Variants in CNOT4 observed in about 807,000 individuals in gnomAD.
CNOT4 encodes the protein CCR4-NOT transcription complex subunit 4.
Under a neutral mutation model 73.8 loss-of-function variants are expected in CNOT4, and 8 were observed. The ratio of observed to expected loss-of-function variants is 0.11; its 90% CI spans 0.06 to 0.20. The LOEUF (loss-of-function observed/expected upper bound fraction) is 0.20. Ranked by LOEUF, CNOT4 falls within the 10% of genes least tolerant of loss-of-function variation. The pLI, the probability that CNOT4 is intolerant of heterozygous loss-of-function variation, is 1.00. For synonymous variants in CNOT4, 293 were observed against 321.1 expected (o/e 0.91, Z 0.94); for missense variants, 564 against 883.4 (o/e 0.64, Z 4.58).
intron 10 of CNOT4, among the ~76,000 whole-genome samples, chr7:135,365,404 C>T (rs1794857772): frequency 1.9e-5 from 1 of 51,726 alleles, no homozygotes; most frequent in East Asian, 5.3e-4. Context: ...CTTATATTTG[C>T]ATATTATTTT....
At chr7:135,452,621 C>T (rs925677366) in intron 1 of CNOT4, among the ~76,000 whole-genome samples, 1 of 152,044 alleles carries the variant, frequency 6.6e-6, no homozygotes, top group Non-Finnish European at 1.5e-5. Flanking sequence ...GAGTAGAGGG[C>T]TAGAGGTAGT....
intron 1 of CNOT4, among the ~76,000 whole-genome samples, chr7:135,503,902 T>A (rs552388819): frequency 1.3e-5 from 2 of 152,236 alleles, no homozygotes; most frequent in South Asian, 4.1e-4. Flanking sequence ...GATGAAACTT[T>A]AAAACTTCAG....
chr7:135,389,608 T>TA (rs1796300554), intron 10 of CNOT4, among the ~76,000 whole-genome samples: 1 of 152,006 alleles, frequency 6.6e-6, no homozygotes, highest in Non-Finnish European at 1.5e-5. Flanking sequence ...AAGTCACTGT[T>TA]AAAACAGTTC....
At chr7:135,462,506 G>A (rs1039394959) in intron 1 of CNOT4, among the ~76,000 whole-genome samples, 2 of 152,194 alleles carry the variant, frequency 1.3e-5, no homozygotes, top group African/African-American at 4.8e-5. Context: ...CTGGAGGAGA[G>A]TTATCAACCG....
chr7:135,450,615 A>C (rs1800099738), intron 1 of CNOT4, among the ~76,000 whole-genome samples: 1 of 152,164 alleles, frequency 6.6e-6, no homozygotes, highest in South Asian at 2.1e-4. Flanking sequence ...CAGCCTCCTA[A>C]AGTGCTGTGA....
At chr7:135,375,273 G>A (rs1472575575) in intron 10 of CNOT4, among the ~76,000 whole-genome samples, 1 of 152,210 alleles carries the variant, frequency 6.6e-6, no homozygotes, top group Admixed American at 6.5e-5. Context: ...CATGTTAAGT[G>A]TGGAATGGTT....
At chr7:135,395,220 CA>C (rs1196639031) in intron 9 of CNOT4, among the ~76,000 whole-genome samples, 1 of 151,872 alleles carries the variant, frequency 6.6e-6, no homozygotes, top group East Asian at 1.9e-4. Context: ...CCTGTCTCTA[CA>C]AAAAATTTAA....
chr7:135,419,140 A>T (rs1326900745), intron 3 of CNOT4, among the ~76,000 whole-genome samples: 1 of 151,330 alleles, frequency 6.6e-6, no homozygotes, highest in African/African-American at 2.5e-5. Flanking sequence ...GTCTTCTAAG[A>T]TCTTTTTTTT....
chr7:135,480,651 T>C (rs1044300336), intron 1 of CNOT4, among the ~76,000 whole-genome samples: 2 of 152,208 alleles, frequency 1.3e-5, no homozygotes, highest in Non-Finnish European at 2.9e-5. Context: ...AAATTCCTAT[T>C]AGAACCATTG....
chr7:135,494,715 T>C lies in CNOT4; in HGVS notation c.-93+15174A>G, dbSNP rs371839387. On this transcript the variant is annotated intron_variant, in intron 1 of 11. Transcript: ENST00000541284. ...ATGATATGTCAGAACATAAGTGTTA[T>C]AGAAAAAAGTAAAACAGTGCAAATA... 5.9e-5 allele frequency among the ~76,000 whole-genome samples: 9 copies of C among 152,188 alleles called. No individual in the cohort carries two copies. The South Asian group carries it at 1.7e-3, about 28-fold the overall frequency.
At chr7:135,445,228 AT>A (rs1335571100) in intron 1 of CNOT4, among the ~76,000 whole-genome samples, 1 of 152,206 alleles carries the variant, frequency 6.6e-6, no homozygotes, top group Non-Finnish European at 1.5e-5. Flanking sequence ...TTGCCTTTTA[AT>A]TTATCAATCT....
At chr7:135,390,293 C>T (rs1293561072) in intron 10 of CNOT4, among the ~76,000 whole-genome samples, 1 of 152,126 alleles carries the variant, frequency 6.6e-6, no homozygotes, top group Non-Finnish European at 1.5e-5. Flanking sequence ...CCTAATTCCA[C>T]TACTAATTGA....
At chr7:135,487,627 T>C (rs1288982184) in intron 1 of CNOT4, among the ~76,000 whole-genome samples, 1 of 152,114 alleles carries the variant, frequency 6.6e-6, no homozygotes, top group Non-Finnish European at 1.5e-5. Flanking sequence ...ATAAATTATT[T>C]CCAAATGCCT....
chr7:135,388,952 T>C lies in CNOT4; in HGVS notation c.1627+4966A>G, dbSNP rs1796259973. On this transcript the variant is annotated intron_variant, in intron 10 of 11. Coordinates refer to ENST00000541284, the MANE Select transcript of CNOT4 (RefSeq NM_001190850.2). ...GTGACTAGATTTGTTAACAGTCCCT[T>C]TAAAAATGATTTCAATATTTGGAAT... 3.3e-6 allele frequency: 5 copies of C among 1,527,926 alleles called. No homozygotes were observed. The South Asian group carries it at 5.9e-5, about 18-fold the overall frequency. The allele number at this position is 1,527,926 out of a possible 1,614,324, so 94.6% of individuals were successfully genotyped here.
At position 135,363,026 on chromosome 7, in the gene CNOT4, G is replaced by A. The variant is rs970718673; in HGVS notation, c.2001C>T (p.His667=). ...SAPFSTQIPL[H]RASWNPYPPP... is the part of the protein sequence containing the mutation. ...GAGGGTAGGGATTCCAACTGGCTCT[G>A]TGCAGCGGGATCTGTGTGCTGAAGG... Residue 667 remains histidine, a synonymous_variant, in exon 12 of 12, where the codon CAC becomes CAT. Transcript: ENST00000541284. This position sits in a 1 kb window ranked among gnomAD's most constrained non-coding sequence, Gnocchi z 4.3. The A allele has an allele frequency of 1.2e-6, 2 of 1,613,648 alleles. No homozygotes were observed. The highest frequency in any genetic ancestry group is 1.6e-4 in the Middle Eastern group (1 of 6,082).
intron 1 of CNOT4, among the ~76,000 whole-genome samples, chr7:135,482,947 A>G (rs900921997): frequency 1.4e-5 from 2 of 147,746 alleles, no homozygotes; most frequent in Non-Finnish European, 3.0e-5. Context: ...GACCATGCCA[A>G]TGCACTTCAG....
chr7:135,415,811 T>C (rs1273181772), intron 3 of CNOT4, among the ~76,000 whole-genome samples: 1 of 152,184 alleles, frequency 6.6e-6, no homozygotes, highest in Non-Finnish European at 1.5e-5. Context: ...TCATTGTGCA[T>C]ACAGTTTCCT....
chr7:135,402,375 G>A lies in CNOT4; in HGVS notation c.822-4149C>T, dbSNP rs1797046734. 3.9e-5 allele frequency among the ~76,000 whole-genome samples: 6 copies of A among 152,134 alleles called. No individual in the cohort carries two copies. In the South Asian group the frequency reaches 1.2e-3, roughly 32 times the overall value. ...TCTGCCAGGCTTGGCCTCCCAAAATGCTGGGATTCAGGCGTGAGCCACGGC... is the reference window on the plus strand; with the variant it reads ...TCTGCCAGGCTTGGCCTCCCAAAATACTGGGATTCAGGCGTGAGCCACGGC... On this transcript the variant is annotated intron_variant, in intron 7 of 11. Coordinates refer to ENST00000541284, the MANE Select transcript of CNOT4 (RefSeq NM_001190850.2).
chr7:135,397,369 C>T (rs1159620797), intron 8 of CNOT4, among the ~76,000 whole-genome samples: 1 of 152,042 alleles, frequency 6.6e-6, no homozygotes, highest in Non-Finnish European at 1.5e-5. Context: ...TCCTTTGCAA[C>T]TACTTTTAAC....
Sources: gnomAD v4.1 joint callset for allele counts (sites outside exome capture counted in the v4.1 genomes callset) on GRCh38, gnomAD v4.1.1 for gene constraint, Gnocchi (gnomAD v3.1) non-coding constraint, MANE v1.5 for transcripts, NCBI Gene and HGNC (gene_info 2026-07-23, HGNC 2026-07-21) for gene names.